Variants in DLG2 observed in about 807,000 individuals in gnomAD.
DLG2 encodes discs large MAGUK scaffold protein 2.
Under a neutral mutation model 132.5 loss-of-function variants are expected in DLG2, and 45 were observed. The ratio of observed to expected loss-of-function variants is 0.34; its 90% CI spans 0.27 to 0.44. The LOEUF is 0.44. Among genes scored for constraint, DLG2 ranks in the 20% least tolerant of loss-of-function variants. The pLI is 1.00. For missense variants in DLG2, 1,045 were observed against 1,196.9 expected, an observed-to-expected ratio of 0.87 and a Z score of 1.87; for synonymous variants, 424 against 419.6, an observed-to-expected ratio of 1.01 and a Z score of -0.13.
chr11:85,368,986 G>A (rs914625553), intron 3 of DLG2, among the ~76,000 whole-genome samples: 2 of 152,286 alleles, frequency 1.3e-5, no homozygotes, highest in African/African-American at 4.8e-5. Flanking sequence ...CCCATCTTTA[G>A]CTAAACGAAG....
chr11:85,069,622 A>T (rs2065490873), intron 6 of DLG2, among the ~76,000 whole-genome samples: 1 of 152,192 alleles, frequency 6.6e-6, no homozygotes, highest in African/African-American at 2.4e-5. Context: ...CACAACCGTT[A>T]GAATGGCAAT....
chr11:84,208,953 A>G (rs1276504484), intron 8 of DLG2, among the ~76,000 whole-genome samples: 3 of 152,224 alleles, frequency 2.0e-5, no homozygotes, highest in African/African-American at 7.2e-5. Context: ...AGACATCAAT[A>G]TGAACTCATG....
chr11:84,462,357 C>T (rs1164529690), intron 7 of DLG2, among the ~76,000 whole-genome samples: 1 of 150,816 alleles, frequency 6.6e-6, no homozygotes. Context: ...TTTTTAAAAA[C>T]CTTTTTTCCA....
intron 3 of DLG2, among the ~76,000 whole-genome samples, chr11:85,437,317 A>C (rs1463198446): frequency 6.6e-6 from 1 of 152,048 alleles, no homozygotes; most frequent in Non-Finnish European, 1.5e-5. Context: ...AAAGTAAAAA[A>C]AAAAACAAAA....
chr11:85,235,838 T>C (rs757424426), intron 4 of DLG2, among the ~76,000 whole-genome samples: 47 of 152,012 alleles, frequency 3.1e-4, no homozygotes, highest in Non-Finnish European at 5.2e-4. Flanking sequence ...AATTATTTTA[T>C]TGTCAGTGAG....
At chr11:85,063,140 A>C (rs2154160882) in intron 6 of DLG2, among the ~76,000 whole-genome samples, 1 of 151,890 alleles carries the variant, frequency 6.6e-6, no homozygotes, top group Non-Finnish European at 1.5e-5. Context: ...AGCTGTTAGG[A>C]GTGTTAGCCG....
intron 6 of DLG2, among the ~76,000 whole-genome samples, chr11:84,990,757 A>T (rs2057008791): frequency 6.6e-6 from 1 of 151,572 alleles, no homozygotes; most frequent in African/African-American, 2.4e-5. Context: ...TGCTAATGAG[A>T]ATCTAAAAAG....
intron 8 of DLG2, among the ~76,000 whole-genome samples, chr11:84,194,362 G>A (rs2096473023): frequency 6.6e-6 from 1 of 152,088 alleles, no homozygotes; most frequent in African/African-American, 2.4e-5. Flanking sequence ...CTTCTGGTGG[G>A]TTCATGGTTT....
chr11:84,870,313 A>G lies in DLG2; in HGVS notation c.357+241348T>C, dbSNP rs760822096. Among the ~76,000 whole-genome samples, 57 of 152,210 alleles carry G rather than the reference A, an allele frequency of 3.7e-4. 1 individual carries two copies. Among genetic ancestry groups the G allele is most frequent in the Admixed American group, 2.0e-4 (3 of 15,282 alleles). On this transcript the variant is annotated intron_variant, in intron 6 of 27. Coordinates refer to ENST00000376104, the MANE Select transcript of DLG2 (RefSeq NM_001142699.3). ...CCTGTGAACCAGGATGAGAACAATT[A>G]GAGATGTCAGAGGTTAAATTGAAAA... is the stretch of plus-strand genomic sequence containing the variant.
chr11:83,878,492 C>T (rs544601770), intron 15 of DLG2, among the ~76,000 whole-genome samples: 2 of 152,200 alleles, frequency 1.3e-5, no homozygotes, highest in Admixed American at 6.5e-5. Context: ...ATATAGAGCA[C>T]CTGAAACACA....
chr11:83,653,087 G>A (rs1012934205), intron 18 of DLG2, among the ~76,000 whole-genome samples: 6 of 152,134 alleles, frequency 3.9e-5, no homozygotes, highest in Admixed American at 1.3e-4. Flanking sequence ...AATGCTGTAC[G>A]CAACTTCATT....
chr11:85,194,554 ATT>A (rs558992849), intron 4 of DLG2, among the ~76,000 whole-genome samples: 8 of 152,038 alleles, frequency 5.3e-5, no homozygotes, highest in Non-Finnish European at 1.0e-4. Context: ...AGAGAGTAGA[ATT>A]TCATATAAAG....
intron 3 of DLG2, among the ~76,000 whole-genome samples, chr11:85,503,849 T>C (rs978463296): frequency 4.8e-4 from 73 of 152,168 alleles, no homozygotes; most frequent in Non-Finnish European, 8.1e-4. Flanking sequence ...TGAGGATCAC[T>C]TGAGCCCTGG....
At chr11:85,606,513 T>A (rs1245570595) in intron 2 of DLG2, among the ~76,000 whole-genome samples, 1 of 152,054 alleles carries the variant, frequency 6.6e-6, no homozygotes, top group African/African-American at 2.4e-5. Flanking sequence ...CAGCACTCTA[T>A]AAAATGGACC....
At chr11:83,753,811 CATATATATATTT>C (rs2093468800) in intron 18 of DLG2, among the ~76,000 whole-genome samples, 1 of 66,880 alleles carries the variant, frequency 1.5e-5, no homozygotes, top group Non-Finnish European at 2.5e-5. Context: ...TCATATATAT[CATATATATATTT>C]CATATATATA....
chr11:85,607,962 G>A (rs2080708873), intron 2 of DLG2, among the ~76,000 whole-genome samples: 1 of 152,132 alleles, frequency 6.6e-6, no homozygotes, highest in Non-Finnish European at 1.5e-5. Flanking sequence ...TTCAGTAAAG[G>A]TGACTACATT....
chr11:84,723,186 T>A (rs765530476), intron 6 of DLG2, among the ~76,000 whole-genome samples: 1 of 152,128 alleles, frequency 6.6e-6, no homozygotes, highest in Non-Finnish European at 1.5e-5. Flanking sequence ...CCAAAAGTAT[T>A]GTATGCTCCA....
chr11:83,456,858 A>G lies in DLG2; in HGVS notation c.*2960T>C, dbSNP rs747275629. On this transcript the variant is annotated 3_prime_UTR_variant, in exon 28 of 28. Coordinates refer to ENST00000376104, the MANE Select transcript of DLG2 (RefSeq NM_001142699.3). ...GAAGACAGGCTCTTTAAGCAGACAG[A>G]GCCAACCCAAGAATTTGGGGCTGGG... 1 of 152,384 alleles carries G rather than the reference A, an allele frequency of 6.6e-6. No individual in the cohort carries two copies. Among genetic ancestry groups the G allele is most frequent in the Non-Finnish European group, 1.5e-5 (1 of 68,038 alleles). 9.4% of individuals were successfully genotyped at this position (152,384 alleles called of 1,614,324 possible). A position where few individuals can be genotyped will look rare whatever the true frequency, so the allele number is the denominator to read the frequency against.
chr11:84,853,056 G>A (rs1270518969), intron 6 of DLG2, among the ~76,000 whole-genome samples: 1 of 151,956 alleles, frequency 6.6e-6, no homozygotes, highest in Non-Finnish European at 1.5e-5. Context: ...TAATTATCAT[G>A]AGAATCCAGT....
Sources: gnomAD v4.1 joint callset for allele counts (sites outside exome capture counted in the v4.1 genomes callset) on GRCh38, gnomAD v4.1.1 for gene constraint, MANE v1.5 for transcripts, NCBI Gene and HGNC (gene_info 2026-07-23, HGNC 2026-07-21) for gene names.